Variants in SPAG16 observed in about 807,000 individuals in gnomAD.
SPAG16 encodes the protein sperm associated antigen 16.
SPAG16 carries 86 observed loss-of-function variants against 80.4 expected under a neutral mutation model. That is an observed-to-expected ratio of 1.07 (90% CI 0.90 to 1.28). SPAG16 has a LOEUF of 1.28. SPAG16 is among the 50% of genes most tolerant of loss of function. The pLI is 0.00. For synonymous variants in SPAG16, 294 were observed against 265.9 expected (o/e 1.11, Z -1.03); for missense variants, 870 against 765.3 (o/e 1.14, Z -1.61).
At chr2:213,702,297 G>A (rs574837374) in intron 10 of SPAG16, among the ~76,000 whole-genome samples, 16 of 152,316 alleles carry the variant, frequency 1.1e-4, no homozygotes, top group African/African-American at 3.1e-4. Flanking sequence ...CAGGCTGCCC[G>A]AGCCAGCTGC....
intron 10 of SPAG16, among the ~76,000 whole-genome samples, chr2:213,632,773 G>T (rs1333745895): frequency 6.6e-6 from 1 of 152,036 alleles, no homozygotes; most frequent in African/African-American, 2.4e-5. Flanking sequence ...GTATTACATT[G>T]ATTGATTGGC....
chr2:213,318,487 C>T (rs762761944), intron 5 of SPAG16, among the ~76,000 whole-genome samples: 6 of 151,936 alleles, frequency 3.9e-5, no homozygotes, highest in Middle Eastern at 3.4e-3. Flanking sequence ...ATAATAGATA[C>T]TGGAGACTTT....
chr2:213,889,702 C>CAT (rs980332987), intron 11 of SPAG16, among the ~76,000 whole-genome samples: 4 of 142,838 alleles, frequency 2.8e-5, no homozygotes, highest in African/African-American at 7.5e-5. Flanking sequence ...TATATATACA[C>CAT]ATATATATAC....
intron 11 of SPAG16, among the ~76,000 whole-genome samples, chr2:213,874,043 G>T (rs988187818): frequency 3.3e-5 from 5 of 152,062 alleles, no homozygotes; most frequent in African/African-American, 7.2e-5. Flanking sequence ...AACACAGAAA[G>T]ATATAGTAAA....
At chr2:214,035,908 G>T (rs2048672128) in intron 13 of SPAG16, among the ~76,000 whole-genome samples, 2 of 152,198 alleles carry the variant, frequency 1.3e-5, no homozygotes, top group Non-Finnish European at 2.9e-5. Flanking sequence ...GGAGTGCACA[G>T]CCCTGGCATG....
At chr2:213,432,164 C>T (rs949662619) in intron 9 of SPAG16, among the ~76,000 whole-genome samples, 2 of 151,992 alleles carry the variant, frequency 1.3e-5, no homozygotes, top group African/African-American at 4.8e-5. Context: ...ATAACAACCT[C>T]ACATCACATT....
At chr2:213,546,564 G>A (rs1220385391) in intron 10 of SPAG16, among the ~76,000 whole-genome samples, 1 of 151,202 alleles carries the variant, frequency 6.6e-6, no homozygotes, top group Admixed American at 6.6e-5. Flanking sequence ...CTAGGCAATG[G>A]GAACTCCATT....
At chr2:214,196,797 G>C (rs1282289113) in intron 15 of SPAG16, among the ~76,000 whole-genome samples, 1 of 151,968 alleles carries the variant, frequency 6.6e-6, no homozygotes, top group East Asian at 1.9e-4. Context: ...GAATAATGTA[G>C]GGAAAACCTG....
chr2:214,297,370 A>G (rs528218423), intron 15 of SPAG16, among the ~76,000 whole-genome samples: 1 of 152,226 alleles, frequency 6.6e-6, no homozygotes, highest in South Asian at 2.1e-4. Flanking sequence ...TTAGTCATAA[A>G]TTCTTTGCTT....
chr2:214,345,837 C>G lies in SPAG16; in HGVS notation c.1721-64303C>G, dbSNP rs559624674. Among the ~76,000 whole-genome samples the G allele has an allele frequency of 7.2e-5, 11 of 152,254 alleles. No individual in the cohort carries two copies. The South Asian group carries it at 2.3e-3, about 32-fold the overall frequency. On this transcript the variant is annotated intron_variant, in intron 15 of 15. Coordinates refer to ENST00000331683, the MANE Select transcript of SPAG16 (RefSeq NM_024532.5). ...ATCATATATATTCTGTACCCTGGCT[C>G]TTATGTTCAACATCACATCTGAGAG...
At chr2:213,546,103 G>C (rs1286314236) in intron 10 of SPAG16, among the ~76,000 whole-genome samples, 1 of 152,026 alleles carries the variant, frequency 6.6e-6, no homozygotes, top group Non-Finnish European at 1.5e-5. Context: ...TATGAATGAG[G>C]ATGTGAGACC....
At chr2:213,431,287 C>T (rs959566253) in intron 9 of SPAG16, among the ~76,000 whole-genome samples, 1 of 151,670 alleles carries the variant, frequency 6.6e-6, no homozygotes, top group Non-Finnish European at 1.5e-5. Flanking sequence ...GTCAGAAAAC[C>T]TCACATACAA....
chr2:214,333,769 G>C (rs922500910), intron 15 of SPAG16, among the ~76,000 whole-genome samples: 2 of 152,134 alleles, frequency 1.3e-5, no homozygotes, highest in Admixed American at 6.5e-5. Flanking sequence ...TAGAAAATTG[G>C]CTACACCAAA....
chr2:214,041,442 G>A (rs1415341372), intron 13 of SPAG16, among the ~76,000 whole-genome samples: 1 of 127,444 alleles, frequency 7.8e-6, no homozygotes, highest in African/African-American at 2.7e-5. Flanking sequence ...TTGGTGATTT[G>A]TAGTAGTTTC....
chr2:213,517,868 G>T (rs2075498998), intron 10 of SPAG16, among the ~76,000 whole-genome samples: 1 of 152,114 alleles, frequency 6.6e-6, no homozygotes, highest in South Asian at 2.1e-4. Context: ...AAAACCCTAG[G>T]AAGTTCCCTT....
chr2:214,342,199 G>A (rs1159365287), intron 15 of SPAG16, among the ~76,000 whole-genome samples: 1 of 152,188 alleles, frequency 6.6e-6, no homozygotes, highest in Non-Finnish European at 1.5e-5. Context: ...TTCTGTAAAT[G>A]TCCTAAAGCA....
At chr2:214,102,285 A>G (rs1255198476) in intron 13 of SPAG16, among the ~76,000 whole-genome samples, 1 of 152,096 alleles carries the variant, frequency 6.6e-6, no homozygotes, top group African/African-American at 2.4e-5. Context: ...AGGAGACTAC[A>G]ATAAATAAGG....
At chr2:214,345,271 G>T (rs1204996799) in intron 15 of SPAG16, among the ~76,000 whole-genome samples, 1 of 152,088 alleles carries the variant, frequency 6.6e-6, no homozygotes, top group East Asian at 1.9e-4. Context: ...GCCTGGACTT[G>T]ACATTTGGCT....
chr2:214,099,446 C>T (rs1290582101), intron 13 of SPAG16, among the ~76,000 whole-genome samples: 1 of 151,944 alleles, frequency 6.6e-6, no homozygotes, highest in Non-Finnish European at 1.5e-5. Context: ...AGTGTTTATA[C>T]GAATAAGAGA....
Sources: gnomAD v4.1 joint callset for allele counts (sites outside exome capture counted in the v4.1 genomes callset) on GRCh38, gnomAD v4.1.1 for gene constraint, MANE v1.5 for transcripts, NCBI Gene and HGNC (gene_info 2026-07-23, HGNC 2026-07-21) for gene names.